The following KCNQ1 variants were observed in gnomAD, a reference collection of about 807,000 sequenced individuals.
The protein encoded by KCNQ1 is potassium voltage-gated channel subfamily KQT member 1.
In KCNQ1, 49 loss-of-function variants were observed where a neutral mutation model predicts 72.4. The observed-to-expected ratio is 0.68, with a 90% CI of 0.54 to 0.86. The LOEUF is 0.86. Among genes scored for constraint, KCNQ1 ranks in the 40% least tolerant of loss-of-function variants. The pLI is 0.00. For synonymous variants in KCNQ1, 450 were observed against 412.6 expected (o/e 1.09, Z -1.10); for missense variants, 790 against 945.1 (o/e 0.84, Z 2.15).
rs976969593 is a variant in KCNQ1, at chr11:2,713,323, CT to C, written c.1514+51243del. 6.6e-5 allele frequency among the ~76,000 whole-genome samples: 10 copies of C among 152,180 alleles called. No homozygotes were observed. The highest frequency in any genetic ancestry group is 2.2e-4 in the African/African-American group (9 of 41,440). ...TTCTCAGGCCTTCTGGGCTCTTCCT[CT>C]GCTGCTCGCCATAAAAACTCTCCAG... is the stretch of plus-strand genomic sequence containing the variant. On this transcript the variant is annotated intron_variant, in intron 11 of 15. Coordinates refer to ENST00000155840, the MANE Select transcript of KCNQ1 (RefSeq NM_000218.3). This position sits in a 1 kb window ranked among gnomAD's most constrained non-coding sequence, Gnocchi z 5.6.
rs755104170 is a variant in KCNQ1 at position 2,572,058 on chromosome 11, C to T, written c.729C>T (p.Arg243=). ...TCCTGAGGATGCTACACGTCGACCG[C>T]CAGGGAGGCACCTGGAGGCTCCTGG... is the stretch of plus-strand genomic sequence containing the variant. ...LQILRMLHVD[R]QGGTWRLLGS... Residue 243 remains arginine (R), a synonymous_variant, in exon 5 of 16, where the codon CGC becomes CGT. Transcript: ENST00000155840. 1.6e-5 allele frequency: 26 copies of T among 1,612,848 alleles called. No homozygotes were observed. The highest frequency in any genetic ancestry group is 1.8e-5 in the Non-Finnish European group (21 of 1,179,916).
intron 10 of KCNQ1, chr11:2,634,223 G>C: frequency 2.5e-6 from 1 of 393,196 alleles, no homozygotes; most frequent in Admixed American, 4.5e-5. Context: ...ACAACGTGCA[G>C]GTTTGTTACA....
chr11:2,816,511 G>C lies in KCNQ1; in HGVS notation c.1795-31256G>C, dbSNP rs12285496. On this transcript the variant is annotated intron_variant, in intron 15 of 15. Transcript: ENST00000155840. The surrounding 1 kb of genome is among the most constrained non-coding windows in gnomAD (Gnocchi z 6.8). ...GGTTGTGCGTCATCGCTGTCCAGGA[G>C]TGGTGAAAAGCTGGACTCTGACTGC... is the stretch of plus-strand genomic sequence containing the variant. Among the ~76,000 whole-genome samples the C allele has an allele frequency of 0.16, 24,597 of 152,172 alleles. 2,206 individuals are homozygous for C. Among genetic ancestry groups the C allele is most frequent in the South Asian group, 0.23 (1,127 of 4,816 alleles).
rs554171835 is a variant in KCNQ1 at position 2,827,980 on chromosome 11, G to A, written c.1795-19787G>A. Among the ~76,000 whole-genome samples the A allele has an allele frequency of 6.6e-6, 1 of 152,316 alleles. No homozygotes were observed. Among genetic ancestry groups the A allele is most frequent in the Non-Finnish European group, 1.5e-5 (1 of 68,034 alleles). On this transcript the variant is annotated intron_variant, in intron 15 of 15. Coordinates refer to ENST00000155840, the MANE Select transcript of KCNQ1 (RefSeq NM_000218.3). The surrounding 1 kb of genome is among the most constrained non-coding windows in gnomAD (Gnocchi z 6.7). ...CCTGAGTCCAAGCCAGGCACCACCG[G>A]GCACATAGAGGTCTTGAAAGCTCGA...
chr11:2,720,362 C>T lies in KCNQ1; in HGVS notation c.1515-48482C>T, dbSNP rs1485770542. ...CCTGGCTCAGCCGCCTTCCGGGGCCCGGCTACAGTCAGGCCTCCTTCGTGC... is the reference window on the plus strand; with the variant it reads ...CCTGGCTCAGCCGCCTTCCGGGGCCTGGCTACAGTCAGGCCTCCTTCGTGC... On this transcript the variant is annotated intron_variant, in intron 11 of 15. Transcript: ENST00000155840. The surrounding 1 kb of genome is among the most constrained non-coding windows in gnomAD (Gnocchi z 5.1). Among the ~76,000 whole-genome samples the T allele has an allele frequency of 3.3e-5, 5 of 152,172 alleles. No individual in the cohort carries two copies. Among genetic ancestry groups the T allele is most frequent in the African/African-American group, 4.8e-5 (2 of 41,442 alleles).
At chr11:2,797,964 G>A (rs3852525) in intron 15 of KCNQ1, among the ~76,000 whole-genome samples, 32,035 of 152,164 alleles carry the variant, frequency 0.21, 3,581 homozygotes, top group East Asian at 0.29. Flanking sequence ...CCAGGGCACC[G>A]CGGTGGGCAG....
At chr11:2,841,934 G>C (rs1193102322) in intron 15 of KCNQ1, among the ~76,000 whole-genome samples, 1 of 152,222 alleles carries the variant, frequency 6.6e-6, no homozygotes, top group African/African-American at 2.4e-5. Flanking sequence ...GGGCCAGCCA[G>C]GCAGCGGCAG....
intron 2 of KCNQ1, among the ~76,000 whole-genome samples, chr11:2,529,176 G>A (rs1205315070): frequency 6.6e-6 from 1 of 152,182 alleles, no homozygotes; most frequent in Admixed American, 6.5e-5. Context: ...ACGTCCAGAG[G>A]CAGTAGGAAG....
rs1845915889 is a variant in KCNQ1 at position 2,734,319 on chromosome 11, C to T, written c.1515-34525C>T. Among the ~76,000 whole-genome samples the T allele has an allele frequency of 6.6e-6, 1 of 152,260 alleles. No homozygotes were observed. Among genetic ancestry groups the T allele is most frequent in the African/African-American group, 2.4e-5 (1 of 41,476 alleles). ...GCCAAAAGGCGCCTAGAAGGCTGGACTTTCCGTGAGGTGGCGGGGAGCACC... is the reference window on the plus strand; with the variant it reads ...GCCAAAAGGCGCCTAGAAGGCTGGATTTTCCGTGAGGTGGCGGGGAGCACC... On this transcript the variant is annotated intron_variant, in intron 11 of 15. Coordinates refer to ENST00000155840, the MANE Select transcript of KCNQ1 (RefSeq NM_000218.3). This position sits in a 1 kb window ranked among gnomAD's most constrained non-coding sequence, Gnocchi z 7.0.
intron 10 of KCNQ1, chr11:2,646,081 G>A: frequency 2.5e-6 from 1 of 398,652 alleles, no homozygotes; most frequent in Non-Finnish European, 4.4e-6. Flanking sequence ...CATAGAAGCA[G>A]ACTGCCTGAC....
rs1023688727 is a variant in KCNQ1, at chr11:2,723,789, G to T, written c.1515-45055G>T. On this transcript the variant is annotated intron_variant, in intron 11 of 15. Coordinates refer to ENST00000155840, the MANE Select transcript of KCNQ1 (RefSeq NM_000218.3). The surrounding 1 kb of genome is among the most constrained non-coding windows in gnomAD (Gnocchi z 4.2). ...ACCGCTGGTGGCCGCAGGGTTCCCA[G>T]CCACTCGGTGCACATGTACTCCAGC... Among the ~76,000 whole-genome samples, 1 of 152,170 alleles carries T rather than the reference G, an allele frequency of 6.6e-6. No homozygotes were observed. The highest frequency in any genetic ancestry group is 1.5e-5 in the Non-Finnish European group (1 of 68,030).
chr11:2,679,300 T>A lies in KCNQ1; in HGVS notation c.1514+17219T>A. ...ATCCATAGCCAAAGACAGGGGCTAA[T>A]AACAGGGTCTGGAGTCTGAACTCAT... On this transcript the variant is annotated intron_variant, in intron 11 of 15. Transcript: ENST00000155840. The surrounding 1 kb of genome is among the most constrained non-coding windows in gnomAD (Gnocchi z 4.8). The A allele has an allele frequency of 2.5e-6, 1 of 398,654 alleles. No homozygotes were observed. Among genetic ancestry groups the A allele is most frequent in the South Asian group, 1.3e-4 (1 of 7,866 alleles). The allele number at this position is 398,654 out of a possible 1,614,324, so 24.7% of individuals were successfully genotyped here.
At position 2,477,722 on chromosome 11, in the gene KCNQ1, A is replaced by G. The variant is rs1846592473; in HGVS notation, c.386+32238A>G. On this transcript the variant is annotated intron_variant, in intron 1 of 15. Coordinates refer to ENST00000155840, the MANE Select transcript of KCNQ1 (RefSeq NM_000218.3). This position sits in a 1 kb window ranked among gnomAD's most constrained non-coding sequence, Gnocchi z 5.0. Reference sequence around the variant, plus strand: ...AGCCTGGGTGACATAGTGAGACCCCATCTCTTTTTATTAAAAAAAAAAAAA... The same window carrying G: ...AGCCTGGGTGACATAGTGAGACCCCGTCTCTTTTTATTAAAAAAAAAAAAA... 1.5e-5 allele frequency among the ~76,000 whole-genome samples: 2 copies of G among 135,980 alleles called. No individual in the cohort carries two copies. The highest frequency in any genetic ancestry group is 7.6e-5 in the Admixed American group (1 of 13,180). The allele number at this position is 135,980 out of a possible 152,430, so 89.2% of individuals were successfully genotyped here. A position where few individuals can be genotyped will look rare whatever the true frequency, so the allele number is the denominator to read the frequency against.
Position 2,803,154 on chromosome 11 carries a change from G to GC in KCNQ1, c.1794+25128dup, listed in dbSNP as rs67308056. Among the ~76,000 whole-genome samples, 166 of 21,426 alleles carry GC rather than the reference G, an allele frequency of 7.7e-3. No homozygotes were observed. In the Middle Eastern group the frequency reaches 0.094, roughly 12 times the overall value. The allele number at this position is 21,426 out of a possible 152,430, so 14.1% of individuals were successfully genotyped here. On this transcript the variant is annotated intron_variant, in intron 15 of 15. Transcript: ENST00000155840. The surrounding 1 kb of genome is among the most constrained non-coding windows in gnomAD (Gnocchi z 6.4). ...AGGGTAGCCCAGAAAACCCAGCCGGGCCCCCCCCCCCACGGGCACCCAGGA... is the reference window on the plus strand; with the variant it reads ...AGGGTAGCCCAGAAAACCCAGCCGGGCCCCCCCCCCCCACGGGCACCCAGGA...
At chr11:2,649,171 GTATCTATC>G (rs1297701063) in intron 10 of KCNQ1, 31 of 397,872 alleles carry the variant, frequency 7.8e-5, no homozygotes, top group Non-Finnish European at 3.1e-5. Context: ...CATTTAGCCA[GTATCTATC>G]TTTCATTTGG....
chr11:2,691,558 T>G lies in KCNQ1; in HGVS notation c.1514+29477T>G, dbSNP rs1376711493. On this transcript the variant is annotated intron_variant, in intron 11 of 15. Coordinates refer to ENST00000155840, the MANE Select transcript of KCNQ1 (RefSeq NM_000218.3). This position sits in a 1 kb window ranked among gnomAD's most constrained non-coding sequence, Gnocchi z 6.4. Reference sequence around the variant, plus strand: ...GGGGGATTTCTCTATCCTGAGGTTATGAAATACCTCAGCAAGGACGAGGCC... The same window carrying G: ...GGGGGATTTCTCTATCCTGAGGTTAGGAAATACCTCAGCAAGGACGAGGCC... 2 of 398,496 alleles carry G rather than the reference T, an allele frequency of 5.0e-6. No homozygotes were observed. Among genetic ancestry groups the G allele is most frequent in the Non-Finnish European group, 8.8e-6 (2 of 226,068 alleles). 24.7% of individuals were successfully genotyped at this position (398,496 alleles called of 1,614,324 possible). A position where few individuals can be genotyped will look rare whatever the true frequency, so the allele number is the denominator to read the frequency against.
At chr11:2,631,909 G>A (rs1007658113) in intron 10 of KCNQ1, 8 of 397,490 alleles carry the variant, frequency 2.0e-5, no homozygotes, top group Admixed American at 4.4e-5. Flanking sequence ...AAAGCTGGGC[G>A]CAGTGGCTCA....
intron 15 of KCNQ1, among the ~76,000 whole-genome samples, chr11:2,806,481 G>A (rs369562951): frequency 1.1e-3 from 169 of 152,302 alleles, no homozygotes; most frequent in African/African-American, 3.4e-3. Context: ...GAGGGTAGGC[G>A]ACCCGCCTTG....
intron 11 of KCNQ1, chr11:2,666,380 C>G (rs1850067742): frequency 2.5e-6 from 1 of 398,584 alleles, no homozygotes; most frequent in African/African-American, 2.1e-5. Flanking sequence ...TGTGACATGA[C>G]AGCTTCGCAA....
Sources: gnomAD v4.1 joint callset for allele counts (sites outside exome capture counted in the v4.1 genomes callset) on GRCh38, gnomAD v4.1.1 for gene constraint, Gnocchi (gnomAD v3.1) non-coding constraint, MANE v1.5 for transcripts, NCBI Gene and HGNC (gene_info 2026-07-23, HGNC 2026-07-21) for gene names.